Variants in TUSC3 observed in about 807,000 individuals in gnomAD.
TUSC3 encodes dolichyl-diphosphooligosaccharide--protein glycosyltransferase subunit TUSC3.
A neutral mutation model predicts 44.8 loss-of-function variants in TUSC3; 45 were observed. That is an observed-to-expected ratio of 1.00 (90% CI 0.79 to 1.29). TUSC3 has a LOEUF of 1.29. Ranked by LOEUF, TUSC3 falls within the 50% of genes most tolerant of loss-of-function variation. TUSC3 has a pLI of 0.00. For missense variants in TUSC3, 519 were observed against 437.9 expected (o/e 1.19, Z -1.65); for synonymous variants, 212 against 152.9 (o/e 1.39, Z -2.85).
chr8:15,728,488 G>A (rs553162574), intron 6 of TUSC3, among the ~76,000 whole-genome samples: 24 of 151,610 alleles, frequency 1.6e-4, no homozygotes, highest in Admixed American at 4.0e-4. Flanking sequence ...AGAGAAGGAG[G>A]GAATAAAGGC....
rs190639871 is a variant in TUSC3, at chr8:15,562,832, T to G, written c.138+22264T>G. Among the ~76,000 whole-genome samples, 173 of 152,304 alleles carry G rather than the reference T, an allele frequency of 1.1e-3. 2 individuals are homozygous for G. Among genetic ancestry groups the G allele is most frequent in the African/African-American group, 4.0e-3 (165 of 41,564 alleles). On this transcript the variant is annotated intron_variant, in intron 1 of 10. Transcript: ENST00000503731. ...ACTAGGATCACTTTTGTGACACTTCTTTTAAAATGTTTTCCTGATTAGGTG... is the reference window on the plus strand; with the variant it reads ...ACTAGGATCACTTTTGTGACACTTCGTTTAAAATGTTTTCCTGATTAGGTG...
At chr8:15,427,511 T>TA in intron 1 of TUSC3, among the ~76,000 whole-genome samples, 1 of 152,112 alleles carries the variant, frequency 6.6e-6, no homozygotes, top group African/African-American at 2.4e-5. Context: ...ATGCCAGAAG[T>TA]ATGCCAACGT....
chr8:15,793,252 T>A, the TUSC3 span, among the ~76,000 whole-genome samples: 2 of 152,126 alleles, frequency 1.3e-5, no homozygotes, highest in Non-Finnish European at 2.9e-5. Flanking sequence ...CTATGGAAAC[T>A]CTGCTGCTTC....
chr8:15,594,888 T>TC (rs1451731198), intron 1 of TUSC3, among the ~76,000 whole-genome samples: 1 of 152,106 alleles, frequency 6.6e-6, no homozygotes, highest in Non-Finnish European at 1.5e-5. Flanking sequence ...TGCCCACGGC[T>TC]CACGGAAACT....
At chr8:15,649,230 G>A (rs997754875) in intron 2 of TUSC3, among the ~76,000 whole-genome samples, 4 of 152,106 alleles carry the variant, frequency 2.6e-5, no homozygotes, top group Admixed American at 1.3e-4. Context: ...GTTGCGGTGG[G>A]GATGAAGGCT....
the TUSC3 span, among the ~76,000 whole-genome samples, chr8:15,816,802 A>G: frequency 6.6e-6 from 1 of 152,354 alleles, no homozygotes; most frequent in East Asian, 1.9e-4. Flanking sequence ...TACAAATGAT[A>G]CAATGTAAGT....
the TUSC3 span, among the ~76,000 whole-genome samples, chr8:15,841,976 G>A: frequency 6.6e-6 from 1 of 152,084 alleles, no homozygotes; most frequent in Non-Finnish European, 1.5e-5. Context: ...AAAAATTTTA[G>A]AAGACTACAT....
the TUSC3 span, among the ~76,000 whole-genome samples, chr8:15,829,491 C>T: frequency 6.6e-6 from 1 of 152,054 alleles, no homozygotes; most frequent in Non-Finnish European, 1.5e-5. Flanking sequence ...CGTTGCATTA[C>T]TCTTATTAGG....
At chr8:15,480,541 A>C (rs1257373459) in intron 1 of TUSC3, among the ~76,000 whole-genome samples, 1 of 152,152 alleles carries the variant, frequency 6.6e-6, no homozygotes, top group African/African-American at 2.4e-5. Context: ...CTCATGTCTG[A>C]TTTGATTCTT....
At chr8:15,553,963 C>A (rs1472460299) in intron 1 of TUSC3, among the ~76,000 whole-genome samples, 1 of 151,578 alleles carries the variant, frequency 6.6e-6, no homozygotes, top group Non-Finnish European at 1.5e-5. Context: ...CTGCCATAAC[C>A]ATCAGATGGG....
downstream of TUSC3, among the ~76,000 whole-genome samples, chr8:15,770,789 A>G (rs1563215729): frequency 6.6e-6 from 1 of 152,138 alleles, no homozygotes. Context: ...GTTAGACACT[A>G]TCAAGCATAT....
intron 1 of TUSC3, among the ~76,000 whole-genome samples, chr8:15,613,490 C>T (rs1225305430): frequency 6.6e-6 from 1 of 152,148 alleles, no homozygotes; most frequent in African/African-American, 2.4e-5. Context: ...CATCAAGTCT[C>T]ATGAGATGTG....
chr8:15,834,448 T>C, the TUSC3 span, among the ~76,000 whole-genome samples: 1 of 152,140 alleles, frequency 6.6e-6, no homozygotes, highest in Non-Finnish European at 1.5e-5. Context: ...GGAAGGTGTC[T>C]TTCATTTCTC....
chr8:15,782,342 A>G, the TUSC3 span, among the ~76,000 whole-genome samples: 1 of 152,010 alleles, frequency 6.6e-6, no homozygotes, highest in Admixed American at 6.6e-5. Flanking sequence ...AGCCAGGCAT[A>G]GTGTCATGTG....
At chr8:15,687,672 A>G (rs562642585) in intron 6 of TUSC3, among the ~76,000 whole-genome samples, 7 of 152,308 alleles carry the variant, frequency 4.6e-5, no homozygotes, top group African/African-American at 7.2e-5. Context: ...CTGCCTATCT[A>G]TGATCCTGCC....
intron 1 of TUSC3, among the ~76,000 whole-genome samples, chr8:15,469,678 A>G (rs1317488355): frequency 1.3e-5 from 2 of 152,372 alleles, no homozygotes; most frequent in African/African-American, 2.4e-5. Flanking sequence ...ACTTACGTCC[A>G]TAGAAAAACC....
chr8:15,799,462 T>C, the TUSC3 span, among the ~76,000 whole-genome samples: 1 of 152,166 alleles, frequency 6.6e-6, no homozygotes, highest in Non-Finnish European at 1.5e-5. Context: ...CTCAAGGAAG[T>C]TCCTCTGCCT....
chr8:15,751,124 C>A (rs1585302754), intron 9 of TUSC3, among the ~76,000 whole-genome samples: 2 of 152,146 alleles, frequency 1.3e-5, no homozygotes, highest in East Asian at 3.9e-4. Context: ...TTGACTTAGG[C>A]AAGCTAAATA....
chr8:15,849,681 A>T, the TUSC3 span, among the ~76,000 whole-genome samples: 1 of 152,250 alleles, frequency 6.6e-6, no homozygotes, highest in Admixed American at 6.5e-5. Flanking sequence ...GGGTAAAAAT[A>T]AAGCTGGCTG....
Sources: gnomAD v4.1 joint callset for allele counts (sites outside exome capture counted in the v4.1 genomes callset) on GRCh38, gnomAD v4.1.1 for gene constraint, MANE v1.5 for transcripts, NCBI Gene and HGNC (gene_info 2026-07-23, HGNC 2026-07-21) for gene names.